Variants in ADAMTS16 observed in about 807,000 individuals in gnomAD.
The protein encoded by ADAMTS16 is ADAM metallopeptidase with thrombospondin type 1 motif 16.
Under a neutral mutation model 145.8 loss-of-function variants are expected in ADAMTS16, and 94 were observed. That is an observed-to-expected ratio of 0.64 (90% CI 0.55 to 0.77). The LOEUF (loss-of-function observed/expected upper bound fraction) is 0.77, where lower values mean the gene tolerates loss of function less well. ADAMTS16 is among the 30% of genes least tolerant of loss of function. The pLI is 0.00. For synonymous variants in ADAMTS16, 659 were observed against 604.3 expected, an observed-to-expected ratio of 1.09 and a Z score of -1.33; for missense variants, 1,585 against 1,591.5, an observed-to-expected ratio of 1.00 and a Z score of 0.07.
At chr5:5,225,110 G>C (rs1213055531) in intron 11 of ADAMTS16, among the ~76,000 whole-genome samples, 1 of 152,036 alleles carries the variant, frequency 6.6e-6, no homozygotes, top group African/African-American at 2.4e-5. Flanking sequence ...ATAAAGTTCT[G>C]TCCAGGGTCA....
At chr5:5,218,863 G>A (rs1348107624) in intron 10 of ADAMTS16, among the ~76,000 whole-genome samples, 1 of 152,098 alleles carries the variant, frequency 6.6e-6, no homozygotes, top group Non-Finnish European at 1.5e-5. Flanking sequence ...CCTCTGCCAC[G>A]TCATTCATCT....
intron 3 of ADAMTS16, among the ~76,000 whole-genome samples, chr5:5,156,124 A>T (rs1303733852): frequency 6.6e-6 from 1 of 152,172 alleles, no homozygotes; most frequent in Non-Finnish European, 1.5e-5. Flanking sequence ...GTGGATGTGA[A>T]TAGAGAGCAG....
At chr5:5,290,959 G>T in intron 18 of ADAMTS16, among the ~76,000 whole-genome samples, 1 of 152,070 alleles carries the variant, frequency 6.6e-6, no homozygotes, top group Non-Finnish European at 1.5e-5. Flanking sequence ...TTTTCGTTAG[G>T]TATAAATAAA....
intron 10 of ADAMTS16, among the ~76,000 whole-genome samples, chr5:5,215,839 G>T (rs1267126677): frequency 5.9e-5 from 7 of 118,296 alleles, no homozygotes; most frequent in Non-Finnish European, 9.5e-5. Flanking sequence ...TATATGTGGT[G>T]TGTATATATA....
chr5:5,166,595 A>G (rs1396368746), intron 3 of ADAMTS16, among the ~76,000 whole-genome samples: 2 of 152,168 alleles, frequency 1.3e-5, no homozygotes, highest in African/African-American at 4.8e-5. Flanking sequence ...GATCTGGTTT[A>G]TAAATCAGTA....
At chr5:5,316,669 AT>A (rs1252957251) in intron 21 of ADAMTS16, among the ~76,000 whole-genome samples, 1 of 152,112 alleles carries the variant, frequency 6.6e-6, no homozygotes, top group African/African-American at 2.4e-5. Flanking sequence ...TACTCCAAGT[AT>A]TGGGGGAGCC....
chr5:5,176,440 G>T (rs1025790896), intron 3 of ADAMTS16, among the ~76,000 whole-genome samples: 1 of 152,194 alleles, frequency 6.6e-6, no homozygotes, highest in Non-Finnish European at 1.5e-5. Flanking sequence ...AGATTAGATT[G>T]TAGAGTTTGG....
At chr5:5,283,887 T>A (rs951128644) in intron 18 of ADAMTS16, among the ~76,000 whole-genome samples, 1 of 152,252 alleles carries the variant, frequency 6.6e-6, no homozygotes, top group Admixed American at 6.5e-5. Flanking sequence ...TCTTTATGTA[T>A]TCTTTACTGG....
At chr5:5,176,973 T>G (rs879067682) in intron 3 of ADAMTS16, among the ~76,000 whole-genome samples, 1 of 152,196 alleles carries the variant, frequency 6.6e-6, no homozygotes, top group Admixed American at 6.5e-5. Flanking sequence ...CAGGTAGAAC[T>G]CAACAATTCC....
chr5:5,312,601 C>T (rs900267444), intron 21 of ADAMTS16, among the ~76,000 whole-genome samples: 1 of 152,080 alleles, frequency 6.6e-6, no homozygotes, highest in Non-Finnish European at 1.5e-5. Context: ...GTGTGCTCCA[C>T]CACTCCCAGC....
chr5:5,307,371 C>T (rs1048110535), intron 21 of ADAMTS16, among the ~76,000 whole-genome samples: 4 of 152,196 alleles, frequency 2.6e-5, no homozygotes, highest in African/African-American at 9.7e-5. Flanking sequence ...CATCTGGTCT[C>T]CTTTTCCCAT....
At chr5:5,141,085 C>A (rs910073576) in intron 2 of ADAMTS16, among the ~76,000 whole-genome samples, 1 of 152,150 alleles carries the variant, frequency 6.6e-6, no homozygotes, top group African/African-American at 2.4e-5. Flanking sequence ...TGCATCAAAG[C>A]CGTCATAAAG....
At chr5:5,160,860 G>A (rs903815525) in intron 3 of ADAMTS16, among the ~76,000 whole-genome samples, 1 of 151,962 alleles carries the variant, frequency 6.6e-6, no homozygotes, top group Non-Finnish European at 1.5e-5. Flanking sequence ...CACCAGAGAG[G>A]ACAAGTGCCC....
At chr5:5,189,689 T>C (rs1215244790) in intron 6 of ADAMTS16, among the ~76,000 whole-genome samples, 3 of 152,200 alleles carry the variant, frequency 2.0e-5, no homozygotes, top group Non-Finnish European at 4.4e-5. Context: ...AAAAAATTCA[T>C]GCACAGAAGT....
At chr5:5,186,940 T>A (rs1459068165) in intron 5 of ADAMTS16, among the ~76,000 whole-genome samples, 1 of 152,224 alleles carries the variant, frequency 6.6e-6, no homozygotes, top group Non-Finnish European at 1.5e-5. Context: ...TACCCCTGAA[T>A]GTGCCCATCT....
chr5:5,259,022 T>C (rs2126423355), intron 17 of ADAMTS16, among the ~76,000 whole-genome samples: 1 of 152,218 alleles, frequency 6.6e-6, no homozygotes, highest in African/African-American at 2.4e-5. Context: ...TATGAGGCAT[T>C]TGGGGCACAT....
At chr5:5,174,620 A>G (rs1385396410) in intron 3 of ADAMTS16, among the ~76,000 whole-genome samples, 2 of 152,094 alleles carry the variant, frequency 1.3e-5, no homozygotes, top group Non-Finnish European at 2.9e-5. Flanking sequence ...TCTTGTAGGC[A>G]TGCTTCATTC....
chr5:5,212,452 T>A (rs1467255358), intron 10 of ADAMTS16, among the ~76,000 whole-genome samples: 2 of 152,092 alleles, frequency 1.3e-5, no homozygotes, highest in East Asian at 3.9e-4. Flanking sequence ...TGATAATTTC[T>A]GTTTTATATA....
chr5:5,272,510 C>T (rs565879775), intron 18 of ADAMTS16, among the ~76,000 whole-genome samples: 44 of 151,676 alleles, frequency 2.9e-4, no homozygotes, highest in African/African-American at 1.0e-3. Flanking sequence ...TACAGGCACC[C>T]GCCACTACGC....
Sources: gnomAD v4.1 joint callset for allele counts (sites outside exome capture counted in the v4.1 genomes callset) on GRCh38, gnomAD v4.1.1 for gene constraint, MANE v1.5 for transcripts, NCBI Gene and HGNC (gene_info 2026-07-23, HGNC 2026-07-21) for gene names.